SPATA13: variants seen among roughly 807,000 people sequenced by gnomAD.
The protein encoded by SPATA13 is spermatogenesis-associated protein 13.
A neutral mutation model predicts 104.0 loss-of-function variants in SPATA13; 50 were observed. The ratio of observed to expected loss-of-function variants is 0.48; its 90% CI spans 0.38 to 0.61. The LOEUF (loss-of-function observed/expected upper bound fraction) is 0.61, where lower values mean the gene tolerates loss of function less well. Among genes scored for constraint, SPATA13 ranks in the 20% least tolerant of loss-of-function variants. SPATA13 has a pLI of 0.00. For missense variants in SPATA13, 1,524 were observed against 1,690.6 expected, an observed-to-expected ratio of 0.90 and a Z score of 1.73; for synonymous variants, 606 against 667.5, an observed-to-expected ratio of 0.91 and a Z score of 1.42.
At chr13:24,072,782 C>G (rs1428082545) in intron 3 of SPATA13, among the ~76,000 whole-genome samples, 2 of 149,956 alleles carry the variant, frequency 1.3e-5, no homozygotes, top group Admixed American at 1.3e-4. Context: ...TTCCTGGTTC[C>G]TCTGAGTTGC....
intron 3 of SPATA13, chr13:24,033,588 G>A (rs1877564210): frequency 6.6e-6 from 1 of 152,340 alleles, no homozygotes; most frequent in African/African-American, 2.4e-5. Flanking sequence ...GCTTCAAGGG[G>A]GCTCACGAAG....
At chr13:24,112,850 C>T (rs947004926) in intron 3 of SPATA13, among the ~76,000 whole-genome samples, 4 of 152,214 alleles carry the variant, frequency 2.6e-5, no homozygotes, top group African/African-American at 9.7e-5. Flanking sequence ...CACGCATTCA[C>T]TCTCTTATTC....
chr13:24,148,352 CT>C (rs1566121644), intron 3 of SPATA13, among the ~76,000 whole-genome samples: 1 of 138,128 alleles, frequency 7.2e-6, no homozygotes, highest in Admixed American at 8.1e-5. Flanking sequence ...GAACACAAGG[CT>C]TTTTTGTTTT....
intron 4 of SPATA13, among the ~76,000 whole-genome samples, chr13:24,253,760 GGGA>G (rs201542293): frequency 0.011 from 1,686 of 152,224 alleles, 24 homozygotes; most frequent in African/African-American, 0.038. Context: ...AGAGATCCGA[GGGA>G]GGAGAAGTCC....
intron 3 of SPATA13, among the ~76,000 whole-genome samples, chr13:24,100,284 C>T (rs1035222658): frequency 4.6e-5 from 7 of 152,210 alleles, no homozygotes; most frequent in African/African-American, 7.2e-5. Flanking sequence ...GCATTGAAGA[C>T]GCTCATACTC....
At chr13:24,005,416 T>G (rs145224762) in intron 2 of SPATA13, among the ~76,000 whole-genome samples, 42 of 152,322 alleles carry the variant, frequency 2.8e-4, no homozygotes, top group African/African-American at 9.4e-4. Flanking sequence ...AGTGCTCACC[T>G]GGTGCCTAGC....
chr13:24,190,057 A>G (rs752046173), intron 1 of SPATA13, among the ~76,000 whole-genome samples: 1 of 67,822 alleles, frequency 1.5e-5, no homozygotes, highest in African/African-American at 8.8e-5. Context: ...TATAACATAT[A>G]ATGATATACT....
intron 2 of SPATA13, among the ~76,000 whole-genome samples, chr13:24,243,070 G>A (rs1442887300): frequency 6.6e-6 from 1 of 152,186 alleles, no homozygotes; most frequent in Admixed American, 6.5e-5. Context: ...GTTAAGTGTT[G>A]TTATCTAACC....
chr13:24,288,334 T>G (rs1261686551), intron 7 of SPATA13, among the ~76,000 whole-genome samples: 2 of 152,238 alleles, frequency 1.3e-5, no homozygotes, highest in African/African-American at 4.8e-5. Flanking sequence ...TACCAAGTAG[T>G]CATTGGTATG....
At chr13:24,013,054 C>G (rs914778512) in intron 2 of SPATA13, among the ~76,000 whole-genome samples, 2 of 152,186 alleles carry the variant, frequency 1.3e-5, no homozygotes, top group Admixed American at 1.3e-4. Flanking sequence ...CACCCCTTTG[C>G]TAATACCCCA....
chr13:24,135,131 G>T (rs557555183), intron 3 of SPATA13, among the ~76,000 whole-genome samples: 1 of 152,008 alleles, frequency 6.6e-6, no homozygotes, highest in African/African-American at 2.4e-5. Context: ...CTCCAGAGCC[G>T]CAGGAAAATA....
chr13:24,123,788 G>T, intron 3 of SPATA13: 1 of 1,075,768 alleles, frequency 9.3e-7, no homozygotes, highest in Non-Finnish European at 1.4e-6. Context: ...TCTTCCAGGT[G>T]AGAGCATGAG....
chr13:24,020,277 G>A (rs1358563188), intron 3 of SPATA13, among the ~76,000 whole-genome samples: 1 of 152,220 alleles, frequency 6.6e-6, no homozygotes, highest in African/African-American at 2.4e-5. Context: ...TTTATAGTTA[G>A]AGTGCTTGAA....
chr13:24,022,110 T>C (rs1877006503), intron 3 of SPATA13, among the ~76,000 whole-genome samples: 1 of 150,332 alleles, frequency 6.7e-6, no homozygotes, highest in South Asian at 2.1e-4. Flanking sequence ...GAGTGCAATC[T>C]CATCTCACTG....
intron 2 of SPATA13, among the ~76,000 whole-genome samples, chr13:24,240,737 A>G (rs1872790635): frequency 6.6e-6 from 1 of 152,200 alleles, no homozygotes; most frequent in South Asian, 2.1e-4. Flanking sequence ...TTGCATTTTT[A>G]AATGAACTAC....
intron 3 of SPATA13, among the ~76,000 whole-genome samples, chr13:24,087,928 C>A (rs1005740312): frequency 1.3e-5 from 2 of 152,244 alleles, no homozygotes; most frequent in Non-Finnish European, 2.9e-5. Context: ...CTGGCTGCAG[C>A]CCCTGAGGTC....
intron 3 of SPATA13, among the ~76,000 whole-genome samples, chr13:24,125,955 G>T (rs1348494045): frequency 6.6e-6 from 1 of 152,250 alleles, no homozygotes; most frequent in African/African-American, 2.4e-5. Flanking sequence ...CCCTGCAGCT[G>T]AGAGCAGCTG....
At chr13:24,039,928 C>T (rs960949645) in intron 3 of SPATA13, among the ~76,000 whole-genome samples, 4 of 152,226 alleles carry the variant, frequency 2.6e-5, no homozygotes, top group African/African-American at 9.6e-5. Context: ...GGGCCACTCA[C>T]TCCTGTGTAT....
At chr13:24,046,678 AT>A (rs1878161221) in intron 3 of SPATA13, among the ~76,000 whole-genome samples, 1 of 151,778 alleles carries the variant, frequency 6.6e-6, no homozygotes, top group African/African-American at 2.4e-5. Context: ...AAATTTATTA[AT>A]TGTACTATTG....
Sources: gnomAD v4.1 joint callset for allele counts (sites outside exome capture counted in the v4.1 genomes callset) on GRCh38, gnomAD v4.1.1 for gene constraint, MANE v1.5 for transcripts, NCBI Gene and HGNC (gene_info 2026-07-23, HGNC 2026-07-21) for gene names.